The following BCAR3 variants were observed in gnomAD, a reference collection of about 807,000 sequenced individuals.
BCAR3 encodes BCAR3 adaptor protein, NSP family member.
BCAR3 carries 37 observed loss-of-function variants against 80.1 expected under a neutral mutation model. The ratio of observed to expected loss-of-function variants is 0.46; its 90% confidence interval spans 0.36 to 0.61. BCAR3 has a LOEUF of 0.61. Ranked by LOEUF, BCAR3 falls within the 20% of genes least tolerant of loss-of-function variation. The pLI is 0.00. For synonymous variants in BCAR3, 389 were observed against 418.9 expected (o/e 0.93, Z 0.87); for missense variants, 978 against 1,068.2 (o/e 0.92, Z 1.18).
chr1:93,829,604 G>A (rs1451666763), intron 2 of BCAR3, among the ~76,000 whole-genome samples: 1 of 151,326 alleles, frequency 6.6e-6, no homozygotes, highest in Non-Finnish European at 1.5e-5. Flanking sequence ...TATTACCTTG[G>A]CCTCCCAAAG....
At chr1:93,595,599 G>A (rs952528642) in intron 3 of BCAR3, among the ~76,000 whole-genome samples, 7 of 152,136 alleles carry the variant, frequency 4.6e-5, no homozygotes, top group African/African-American at 1.4e-4. Context: ...TACTGCCTTC[G>A]TCACATAAAT....
chr1:93,722,810 C>T (rs184715795), intron 2 of BCAR3, among the ~76,000 whole-genome samples: 1 of 152,178 alleles, frequency 6.6e-6, no homozygotes, highest in East Asian at 1.9e-4. Context: ...GAACAGGCCC[C>T]TTCCTCTTTG....
At chr1:93,627,908 G>A (rs1466931862) in intron 3 of BCAR3, among the ~76,000 whole-genome samples, 1 of 152,074 alleles carries the variant, frequency 6.6e-6, no homozygotes, top group Non-Finnish European at 1.5e-5. Context: ...TACCTATGGA[G>A]TAGACTAAGG....
At chr1:93,756,464 C>T (rs1159049548) in intron 2 of BCAR3, among the ~76,000 whole-genome samples, 3 of 152,286 alleles carry the variant, frequency 2.0e-5, no homozygotes, top group Admixed American at 1.3e-4. Flanking sequence ...GGTGACTAAC[C>T]GAAGAGCCCA....
Position 93,592,225 on chromosome 1 carries a change from G to C in BCAR3, c.486+40C>G, listed in dbSNP as rs1407660623. On this transcript the variant is annotated intron_variant, in intron 4 of 11. Transcript: ENST00000260502. The surrounding 1 kb of genome is among the most constrained non-coding windows in gnomAD (Gnocchi z 4.8). ...GGTCATCAATCTGTACATTGCCTGA[G>C]AGCAGCCGTGTATGCTCTGGAAGGG... The C allele has an allele frequency of 6.2e-7, 1 of 1,611,722 alleles. No homozygotes were observed. Among genetic ancestry groups the C allele is most frequent in the African/African-American group, 1.3e-5 (1 of 74,880 alleles).
intron 2 of BCAR3, among the ~76,000 whole-genome samples, chr1:93,719,968 G>T (rs532781652): frequency 6.6e-6 from 1 of 152,156 alleles, no homozygotes; most frequent in Admixed American, 6.5e-5. Flanking sequence ...ATATTCACAG[G>T]TACAATCATA....
intron 3 of BCAR3, among the ~76,000 whole-genome samples, chr1:93,693,348 G>A (rs2101965430): frequency 6.6e-6 from 1 of 152,340 alleles, no homozygotes; most frequent in Admixed American, 6.5e-5. Flanking sequence ...CTTCTCAGTT[G>A]TCAGCATTTC....
intron 8 of BCAR3, among the ~76,000 whole-genome samples, chr1:93,573,682 G>A (rs551444697): frequency 3.8e-4 from 57 of 149,108 alleles, no homozygotes; most frequent in Non-Finnish European, 7.1e-4. Context: ...AGGCTGGAGT[G>A]CAGTGGTGTG....
intron 3 of BCAR3, among the ~76,000 whole-genome samples, chr1:93,616,084 C>T (rs1040863813): frequency 2.6e-5 from 4 of 152,136 alleles, no homozygotes; most frequent in African/African-American, 9.7e-5. Flanking sequence ...ATAAAGTGCT[C>T]CACAGCCAGG....
intron 3 of BCAR3, among the ~76,000 whole-genome samples, chr1:93,703,058 T>C (rs568533997): frequency 9.2e-5 from 14 of 152,162 alleles, no homozygotes; most frequent in South Asian, 2.1e-4. Flanking sequence ...AGGTGTGTCC[T>C]GCTTTACTTA....
chr1:93,833,787 T>C (rs1167993469), intron 2 of BCAR3, among the ~76,000 whole-genome samples: 2 of 152,184 alleles, frequency 1.3e-5, no homozygotes, highest in Admixed American at 1.3e-4. Flanking sequence ...CACACATGCT[T>C]TACAAACAAT....
intron 2 of BCAR3, among the ~76,000 whole-genome samples, chr1:93,727,543 T>C (rs919962120): frequency 6.6e-6 from 1 of 152,226 alleles, no homozygotes; most frequent in African/African-American, 2.4e-5. Context: ...CTTCAGCCTA[T>C]CTGTGGCCAT....
intron 2 of BCAR3, among the ~76,000 whole-genome samples, chr1:93,672,550 G>A (rs1648264421): frequency 6.6e-6 from 1 of 152,174 alleles, no homozygotes; most frequent in East Asian, 1.9e-4. Context: ...TCTTTAGCAG[G>A]CCAGAAGTTA....
intron 3 of BCAR3, among the ~76,000 whole-genome samples, chr1:93,610,244 T>A (rs1421624108): frequency 6.6e-6 from 1 of 152,200 alleles, no homozygotes; most frequent in African/African-American, 2.4e-5. Context: ...TATTCCTAGA[T>A]CCTCTGTGAC....
intron 2 of BCAR3, among the ~76,000 whole-genome samples, chr1:93,645,352 CTG>C (rs1340769066): frequency 6.6e-6 from 1 of 152,038 alleles, no homozygotes; most frequent in East Asian, 1.9e-4. Flanking sequence ...TTTGAGTACT[CTG>C]TAGGTTTTAT....
At chr1:93,769,567 A>C (rs1652281001) in intron 2 of BCAR3, among the ~76,000 whole-genome samples, 1 of 151,134 alleles carries the variant, frequency 6.6e-6, no homozygotes. Context: ...CACTAGGAGA[A>C]AAAAAAAACC....
intron 2 of BCAR3, among the ~76,000 whole-genome samples, chr1:93,763,260 C>T (rs757247270): frequency 3.3e-5 from 5 of 152,122 alleles, no homozygotes; most frequent in Admixed American, 6.6e-5. Context: ...GTTGGGGTCT[C>T]ACCATGTTGC....
chr1:93,847,206 C>T (rs1655247496), upstream of BCAR3: 1 of 188,594 alleles, frequency 5.3e-6, no homozygotes, highest in Non-Finnish European at 1.1e-5. Context: ...CGGGCTGGAG[C>T]GGCCGCCGGA....
rs565328872 is a variant in BCAR3, at chr1:93,569,447, C to T, written c.1975-1596G>A. 1.2e-3 allele frequency among the ~76,000 whole-genome samples: 190 copies of T among 152,310 alleles called. 1 individual carries two copies. The highest frequency in any genetic ancestry group is 2.8e-3 in the Admixed American group (43 of 15,304). ...TCCTCCTGCTGCCCACCATGCTGCC[C>T]TTCCTTCTGTAGACCCCTGCTCCCT... On this transcript the variant is annotated intron_variant, in intron 9 of 11. Coordinates refer to ENST00000260502, the MANE Select transcript of BCAR3 (RefSeq NM_003567.4).
Sources: gnomAD v4.1 joint callset for allele counts (sites outside exome capture counted in the v4.1 genomes callset) on GRCh38, gnomAD v4.1.1 for gene constraint, Gnocchi (gnomAD v3.1) non-coding constraint, MANE v1.5 for transcripts, NCBI Gene and HGNC (gene_info 2026-07-23, HGNC 2026-07-21) for gene names.